MTUS2: variants seen among roughly 807,000 people sequenced by gnomAD.
The protein encoded by MTUS2 is microtubule associated scaffold protein 2.
MTUS2 carries 40 observed loss-of-function variants against 114.1 expected under a neutral mutation model. The ratio of observed to expected loss-of-function variants is 0.35; its 90% CI spans 0.27 to 0.46. The LOEUF is 0.46. Ranked by LOEUF, MTUS2 falls within the 20% of genes least tolerant of loss-of-function variation. The probability of loss-of-function intolerance (pLI) is 1.00; values close to 1 mark genes in which losing one functional copy is unlikely to be tolerated. For synonymous variants in MTUS2, 688 were observed against 672.0 expected (o/e 1.02, Z -0.37); for missense variants, 1,679 against 1,705.4 (o/e 0.98, Z 0.27).
intron 2 of MTUS2, among the ~76,000 whole-genome samples, chr13:29,016,572 A>G (rs1886075822): frequency 6.6e-6 from 1 of 152,068 alleles, no homozygotes; most frequent in African/African-American, 2.4e-5. Context: ...TCATTTATGT[A>G]TATATTCTTC....
intron 2 of MTUS2, among the ~76,000 whole-genome samples, chr13:28,858,536 G>A (rs1876775920): frequency 6.6e-6 from 1 of 152,112 alleles, no homozygotes; most frequent in Admixed American, 6.5e-5. Context: ...CATCAAATGT[G>A]TTTTGAAGGT....
chr13:29,306,964 G>C (rs986093319), intron 6 of MTUS2: 5 of 547,374 alleles, frequency 9.1e-6, no homozygotes, highest in Admixed American at 7.6e-5. Context: ...TGTCAAGGCT[G>C]AGAACAGGAA....
chr13:29,087,758 G>A (rs1889755891), intron 4 of MTUS2, among the ~76,000 whole-genome samples: 1 of 152,140 alleles, frequency 6.6e-6, no homozygotes, highest in Non-Finnish European at 1.5e-5. Flanking sequence ...ATGTTAGGTG[G>A]TTAGTTTAAG....
chr13:28,845,655 T>C (rs953468992), intron 2 of MTUS2, among the ~76,000 whole-genome samples: 77 of 150,678 alleles, frequency 5.1e-4, no homozygotes, highest in Middle Eastern at 3.4e-3. Flanking sequence ...CTCTCTGTTT[T>C]GTTTGTTTTT....
At chr13:29,180,681 T>C (rs930179542) in intron 5 of MTUS2, among the ~76,000 whole-genome samples, 2 of 152,186 alleles carry the variant, frequency 1.3e-5, no homozygotes, top group Non-Finnish European at 2.9e-5. Context: ...CTGGCTAGGC[T>C]ATAAACTGGC....
chr13:29,368,193 C>T (rs527237063), intron 8 of MTUS2, among the ~76,000 whole-genome samples: 2 of 151,980 alleles, frequency 1.3e-5, no homozygotes, highest in Admixed American at 6.5e-5. Context: ...CCACCTCGAC[C>T]TCCCAAAGTG....
At chr13:28,963,543 A>AT (rs1883435454) in intron 2 of MTUS2, among the ~76,000 whole-genome samples, 2 of 152,182 alleles carry the variant, frequency 1.3e-5, no homozygotes, top group Non-Finnish European at 2.9e-5. Context: ...GCCTATATAT[A>AT]GTGTATCTCT....
At chr13:29,153,686 C>T (rs188785832) in intron 5 of MTUS2, among the ~76,000 whole-genome samples, 1 of 152,226 alleles carries the variant, frequency 6.6e-6, no homozygotes, top group African/African-American at 2.4e-5. Context: ...GCTAAGTGAC[C>T]CTCAGTATCC....
At chr13:29,317,126 G>A (rs1900023529) in intron 6 of MTUS2, among the ~76,000 whole-genome samples, 1 of 152,004 alleles carries the variant, frequency 6.6e-6, no homozygotes, top group Admixed American at 6.6e-5. Context: ...GCTTCTAATG[G>A]AGGCCTAATT....
intron 8 of MTUS2, among the ~76,000 whole-genome samples, chr13:29,404,176 C>CA (rs33920912): frequency 0.38 from 48,232 of 127,674 alleles, 9,439 homozygotes; most frequent in Admixed American, 0.43. Context: ...TCCATCTCTA[C>CA]AAAAAAAAAA....
chr13:28,939,974 G>A (rs1593316770), intron 2 of MTUS2, among the ~76,000 whole-genome samples: 1 of 152,104 alleles, frequency 6.6e-6, no homozygotes, highest in Non-Finnish European at 1.5e-5. Flanking sequence ...AAAACCATCA[G>A]ATCTCATGAG....
intron 8 of MTUS2, among the ~76,000 whole-genome samples, chr13:29,389,653 G>A (rs1284270983): frequency 1.3e-4 from 18 of 141,834 alleles, no homozygotes; most frequent in Non-Finnish European, 1.4e-4. Context: ...ATGTATATAC[G>A]TATATATGTA....
intron 7 of MTUS2, among the ~76,000 whole-genome samples, chr13:29,356,261 C>T (rs1209634430): frequency 6.6e-6 from 1 of 152,176 alleles, no homozygotes; most frequent in African/African-American, 2.4e-5. Flanking sequence ...CACCACCACA[C>T]CAACACCACT....
intron 8 of MTUS2, among the ~76,000 whole-genome samples, chr13:29,371,391 T>C (rs1871182405): frequency 6.6e-6 from 1 of 152,018 alleles, no homozygotes; most frequent in Admixed American, 6.6e-5. Flanking sequence ...CTAATTTTTG[T>C]ATTTTTAGTA....
At chr13:29,052,523 A>G (rs1452373449) in intron 4 of MTUS2, among the ~76,000 whole-genome samples, 2 of 152,058 alleles carry the variant, frequency 1.3e-5, no homozygotes, top group South Asian at 2.1e-4. Flanking sequence ...CAGCTAGAGG[A>G]TATCCTAAAG....
At chr13:29,341,635 T>C (rs1383899743) in intron 7 of MTUS2, among the ~76,000 whole-genome samples, 1 of 152,204 alleles carries the variant, frequency 6.6e-6, no homozygotes, top group Non-Finnish European at 1.5e-5. Context: ...GTGCAGAAGC[T>C]TTTTAGTTGA....
chr13:29,435,443 T>A (rs2138660818), intron 8 of MTUS2, among the ~76,000 whole-genome samples: 1 of 152,234 alleles, frequency 6.6e-6, no homozygotes, highest in East Asian at 1.9e-4. Flanking sequence ...CAACCCACAG[T>A]GTCATCACCC....
At chr13:29,306,838 G>T (rs878921920) in intron 6 of MTUS2, 1 of 465,368 alleles carries the variant, frequency 2.1e-6, no homozygotes, top group South Asian at 1.6e-5. Flanking sequence ...GGTCACCAGG[G>T]CTGCTTTTAA....
intron 4 of MTUS2, among the ~76,000 whole-genome samples, chr13:29,046,404 G>A (rs953825117): frequency 4.6e-5 from 7 of 152,200 alleles, no homozygotes; most frequent in African/African-American, 1.7e-4. Context: ...GCATGAATGA[G>A]CTGCTGTGTC....
Sources: allele counts gnomAD v4.1 joint callset (sites outside exome capture counted in the v4.1 genomes callset), GRCh38; gene constraint gnomAD v4.1.1; transcripts MANE v1.5; gene names NCBI Gene and HGNC (gene_info 2026-07-23, HGNC 2026-07-21).